C1D: variants seen among roughly 807,000 people sequenced by gnomAD.
C1D encodes C1D nuclear receptor corepressor, also known as nuclear nucleic acid-binding protein C1D.
C1D carries 10 observed loss-of-function variants against 17.5 expected under a neutral mutation model. That is an observed-to-expected ratio of 0.57 (90% confidence interval 0.35 to 0.97). The LOEUF (loss-of-function observed/expected upper bound fraction) is 0.97. Ranked by LOEUF, C1D falls within the 50% of genes least tolerant of loss-of-function variation. The probability of loss-of-function intolerance (pLI) is 0.01; values close to 1 mark genes in which losing one functional copy is unlikely to be tolerated. For missense variants in C1D, 136 were observed against 160.1 expected (o/e 0.85, Z 0.81); for synonymous variants, 49 against 54.0 (o/e 0.91, Z 0.40).
chr2:68,051,071 C>A (rs1163449246), intron 1 of C1D, among the ~76,000 whole-genome samples: 1 of 152,200 alleles, frequency 6.6e-6, no homozygotes, highest in Non-Finnish European at 1.5e-5. Context: ...TGGTCCAAAC[C>A]ATGCCTGAAT....
intron 1 of C1D, chr2:68,053,358 C>A: frequency 2.7e-6 from 2 of 753,284 alleles, no homozygotes; most frequent in Non-Finnish European, 4.0e-6. Context: ...GAACTGAAGT[C>A]ATCAGCTACC....
intron 1 of C1D, among the ~76,000 whole-genome samples, chr2:68,053,493 TCTCA>T (rs1425073510): frequency 1.3e-5 from 2 of 152,302 alleles, no homozygotes; most frequent in East Asian, 3.9e-4. Flanking sequence ...TTTCCTCTAT[TCTCA>T]CTGACTAGAT....
Position 68,051,504 on chromosome 2 carries a change from C to A in C1D, c.-9-4185G>T, listed in dbSNP as rs191518524. ...AAGACCCCAACTCTATTTTTAAAAT[C>A]AAAAAATAATAACTATTTATCTTTT... On this transcript the variant is annotated intron_variant, in intron 1 of 4. Transcript: ENST00000410067. 3.2e-3 allele frequency among the ~76,000 whole-genome samples: 489 copies of A among 152,146 alleles called. 1 individual carries two copies. Among genetic ancestry groups the A allele is most frequent in the African/African-American group, 0.011 (459 of 41,522 alleles).
At chr2:68,047,937 T>C (rs1410439221) in intron 1 of C1D, among the ~76,000 whole-genome samples, 1 of 152,204 alleles carries the variant, frequency 6.6e-6, no homozygotes, top group African/African-American at 2.4e-5. Context: ...CTTCTAAATA[T>C]AGGTGTTGAT....
At chr2:68,050,613 G>A (rs999313891) in intron 1 of C1D, among the ~76,000 whole-genome samples, 2 of 151,974 alleles carry the variant, frequency 1.3e-5, no homozygotes, top group Non-Finnish European at 2.9e-5. Flanking sequence ...TGGTCTCTTC[G>A]ATGCATCCTT....
At chr2:68,052,955 C>T in intron 1 of C1D, 1 of 1,416,822 alleles carries the variant, frequency 7.1e-7, no homozygotes, top group Non-Finnish European at 9.5e-7. Context: ...ATTCCACATG[C>T]ACTTGTTCAT....
At chr2:68,057,497 G>A (rs947463049) in intron 1 of C1D, among the ~76,000 whole-genome samples, 2 of 152,090 alleles carry the variant, frequency 1.3e-5, no homozygotes, top group Admixed American at 6.6e-5. Context: ...TATGAATGTG[G>A]AGGCATATTT....
At chr2:68,061,463 T>G (rs2103821188) in intron 1 of C1D, among the ~76,000 whole-genome samples, 1 of 152,346 alleles carries the variant, frequency 6.6e-6, no homozygotes, top group South Asian at 2.1e-4. Context: ...ACAATTACAT[T>G]AAATTAAATT....
chr2:68,047,748 C>A (rs187762237), intron 1 of C1D, among the ~76,000 whole-genome samples: 63 of 152,132 alleles, frequency 4.1e-4, no homozygotes, highest in African/African-American at 1.4e-3. Context: ...TGTATTTTTA[C>A]AGAACTTTTA....
intron 1 of C1D, among the ~76,000 whole-genome samples, chr2:68,052,785 T>C (rs1484283363): frequency 6.6e-6 from 1 of 152,050 alleles, no homozygotes; most frequent in Non-Finnish European, 1.5e-5. Flanking sequence ...TAACACTTTA[T>C]TATAGGCAGC....
At chr2:68,049,946 T>C (rs1572882551) in intron 1 of C1D, among the ~76,000 whole-genome samples, 1 of 152,174 alleles carries the variant, frequency 6.6e-6, no homozygotes, top group African/African-American at 2.4e-5. Context: ...AAGAATTAGA[T>C]AGACTAAATA....
At chr2:68,048,144 G>A (rs1671185342) in intron 1 of C1D, among the ~76,000 whole-genome samples, 1 of 151,944 alleles carries the variant, frequency 6.6e-6, no homozygotes, top group South Asian at 2.1e-4. Flanking sequence ...TAAACAATAT[G>A]GTTTTCATTT....
intron 2 of C1D, 86 bp from the exon 3 acceptor site, chr2:68,046,496 G>A: frequency 1.1e-6 from 1 of 908,004 alleles, no homozygotes; most frequent in Non-Finnish European, 1.8e-6. Context: ...GATAACATTT[G>A]ACTTTTACCA....
intron 1 of C1D, among the ~76,000 whole-genome samples, chr2:68,054,342 G>C (rs1671376562): frequency 6.6e-6 from 1 of 152,180 alleles, no homozygotes; most frequent in South Asian, 2.1e-4. Context: ...GAACCAGTAG[G>C]AGATATATAT....
intron 1 of C1D, among the ~76,000 whole-genome samples, chr2:68,061,761 G>C (rs1301403197): frequency 1.3e-5 from 2 of 152,150 alleles, no homozygotes; most frequent in African/African-American, 2.4e-5. Context: ...GTCAACTTTG[G>C]AAACAGTAGC....
At chr2:68,049,082 A>G (rs556399770) in intron 1 of C1D, among the ~76,000 whole-genome samples, 1 of 152,166 alleles carries the variant, frequency 6.6e-6, no homozygotes, top group African/African-American at 2.4e-5. Context: ...CTGTAATCCC[A>G]GCTACTTGGG....
intron 4 of C1D, among the ~76,000 whole-genome samples, chr2:68,044,673 A>G (rs1572878397): frequency 7.2e-5 from 11 of 152,040 alleles, no homozygotes. Context: ...ACGACACTGC[A>G]CTCCAGCCTG....
Position 68,055,034 on chromosome 2 carries a change from G to A in C1D, c.-9-7715C>T, listed in dbSNP as rs149032705. 5.4e-5 allele frequency among the ~76,000 whole-genome samples: 8 copies of A among 148,374 alleles called. No homozygotes were observed. The East Asian group carries it at 1.4e-3, about 26-fold the overall frequency. On this transcript the variant is annotated intron_variant, in intron 1 of 4. Coordinates refer to ENST00000410067, the MANE Select transcript of C1D (RefSeq NM_173177.3). ...ATGCATTCCTAGCATCAAAAATATT[G>A]TTGCTCTGACAATACTTTCCCACAA...
chr2:68,060,585 G>C (rs932245544), intron 1 of C1D, among the ~76,000 whole-genome samples: 2 of 151,042 alleles, frequency 1.3e-5, no homozygotes, highest in African/African-American at 4.9e-5. Flanking sequence ...GGAGGTTGCA[G>C]TGAGCCGAGA....
Sources: allele counts gnomAD v4.1 joint callset (sites outside exome capture counted in the v4.1 genomes callset), GRCh38; gene constraint gnomAD v4.1.1; transcripts MANE v1.5; gene names NCBI Gene and HGNC (gene_info 2026-07-23, HGNC 2026-07-21).